CACNB2: variants seen among roughly 807,000 people sequenced by gnomAD.
The protein encoded by CACNB2 is calcium voltage-gated channel auxiliary subunit beta 2, also known as voltage-dependent L-type calcium channel subunit beta-2.
Under a neutral mutation model 73.3 loss-of-function variants are expected in CACNB2, and 42 were observed. That is an observed-to-expected ratio of 0.57 (90% confidence interval 0.45 to 0.74). CACNB2 has a LOEUF of 0.74. CACNB2 is among the 30% of genes least tolerant of loss of function. CACNB2 has a pLI of 0.00. For synonymous variants in CACNB2, 348 were observed against 310.3 expected (o/e 1.12, Z -1.28); for missense variants, 940 against 853.0 (o/e 1.10, Z -1.27).
At chr10:18,468,356 G>A (rs931475220) in intron 3 of CACNB2, among the ~76,000 whole-genome samples, 2 of 152,088 alleles carry the variant, frequency 1.3e-5, no homozygotes, top group African/African-American at 4.8e-5. Flanking sequence ...AGCTACTTGG[G>A]AGGCTGAGGC....
chr10:18,142,436 T>TG (rs2030516465), intron 1 of CACNB2, among the ~76,000 whole-genome samples: 2 of 152,220 alleles, frequency 1.3e-5, no homozygotes. Context: ...TCTAGACTCC[T>TG]GATTTTTATC....
intron 2 of CACNB2, among the ~76,000 whole-genome samples, chr10:18,208,449 C>T (rs1351960118): frequency 1.3e-5 from 2 of 151,858 alleles, no homozygotes; most frequent in Middle Eastern, 3.2e-3. Context: ...CCCATCTATA[C>T]AAAAACTAAA....
At chr10:18,266,474 C>T (rs977543492) in intron 2 of CACNB2, among the ~76,000 whole-genome samples, 1 of 151,458 alleles carries the variant, frequency 6.6e-6, no homozygotes, top group African/African-American at 2.4e-5. Context: ...GCTGAAGTGC[C>T]TGTTCACAGA....
intron 2 of CACNB2, among the ~76,000 whole-genome samples, chr10:18,204,000 A>G (rs910990947): frequency 6.6e-6 from 1 of 152,218 alleles, no homozygotes; most frequent in Non-Finnish European, 1.5e-5. Context: ...AGGCTCATTC[A>G]AACAAAAAAG....
chr10:18,336,263 C>G (rs2041000634), intron 2 of CACNB2, among the ~76,000 whole-genome samples: 1 of 152,122 alleles, frequency 6.6e-6, no homozygotes, highest in South Asian at 2.1e-4. Flanking sequence ...AGAAAGAACC[C>G]TGAGCTATGA....
intron 2 of CACNB2, among the ~76,000 whole-genome samples, chr10:18,328,249 T>C (rs7894306): frequency 0.16 from 24,653 of 152,158 alleles, 2,263 homozygotes; most frequent in Middle Eastern, 0.23. Flanking sequence ...CACATTAGAA[T>C]CATCTGGGGA....
chr10:18,208,309 C>T (rs1400246265), intron 2 of CACNB2, among the ~76,000 whole-genome samples: 1 of 151,958 alleles, frequency 6.6e-6, no homozygotes, highest in Non-Finnish European at 1.5e-5. Flanking sequence ...TGTACACACA[C>T]AAAAAACTTT....
intron 3 of CACNB2, among the ~76,000 whole-genome samples, chr10:18,458,662 T>A (rs2047404241): frequency 6.6e-6 from 1 of 152,140 alleles, no homozygotes; most frequent in African/African-American, 2.4e-5. Flanking sequence ...AAATCAAGAT[T>A]TTTTTTCACT....
chr10:18,502,497 T>C (rs1244181944), intron 5 of CACNB2, among the ~76,000 whole-genome samples: 4 of 150,174 alleles, frequency 2.7e-5, no homozygotes, highest in African/African-American at 9.8e-5. Flanking sequence ...GAGACCATCC[T>C]GGGCAACATT....
In CACNB2 at chr10:18,539,740, GTTTTTT is replaced by G. The variant is rs34022725; in HGVS notation, c.*30_*35del. 2.3e-5 allele frequency: 34 copies of G among 1,449,292 alleles called. No homozygotes were observed. The highest frequency in any genetic ancestry group is 1.3e-4 in the South Asian group (10 of 79,296). 89.8% of individuals were successfully genotyped at this position (1,449,292 alleles called of 1,614,324 possible). ...CCGCCAATGAGTTTTGCCCGTTTGT[GTTTTTT>G]TTTTTTTTTTTTTGAAGTCTTGTAT... On this transcript the variant is annotated 3_prime_UTR_variant, in exon 14 of 14. Coordinates refer to ENST00000324631, the MANE Select transcript of CACNB2 (RefSeq NM_201596.3).
intron 2 of CACNB2, among the ~76,000 whole-genome samples, chr10:18,377,517 G>A (rs914566762): frequency 4.6e-5 from 7 of 152,222 alleles, no homozygotes; most frequent in African/African-American, 1.7e-4. Flanking sequence ...GTGTGGCCAT[G>A]TTCCAATAAA....
chr10:18,500,624 T>C (rs556320996), intron 4 of CACNB2, among the ~76,000 whole-genome samples, 188 bp from the exon 5 acceptor site: 29 of 152,300 alleles, frequency 1.9e-4, no homozygotes, highest in Admixed American at 7.2e-4. Flanking sequence ...GAGCCTTTGA[T>C]AGATTGCTGA....
At chr10:18,445,427 A>C (rs1463696529) in intron 3 of CACNB2, among the ~76,000 whole-genome samples, 2 of 152,210 alleles carry the variant, frequency 1.3e-5, no homozygotes, top group African/African-American at 4.8e-5. Flanking sequence ...CGTACTGGCC[A>C]TATTTTGGCA....
chr10:18,534,051 A>G (rs2053319792), intron 10 of CACNB2, 25 bp from the exon 11 acceptor site: 12 of 1,613,422 alleles, frequency 7.4e-6, no homozygotes, highest in Non-Finnish European at 1.0e-5. Flanking sequence ...ACTGCACTTT[A>G]ACTGAATTGT....
intron 3 of CACNB2, among the ~76,000 whole-genome samples, chr10:18,449,216 C>T (rs1176414869): frequency 2.0e-5 from 3 of 152,058 alleles, no homozygotes; most frequent in Non-Finnish European, 4.4e-5. Flanking sequence ...AACCCCGTCT[C>T]TACTAAAAAT....
At chr10:18,232,944 G>A (rs899678907) in intron 2 of CACNB2, among the ~76,000 whole-genome samples, 4 of 152,042 alleles carry the variant, frequency 2.6e-5, no homozygotes, top group Non-Finnish European at 5.9e-5. Context: ...AAAATTAGCC[G>A]GGTGTGGTGG....
At chr10:18,210,441 C>G (rs1173905912) in intron 2 of CACNB2, among the ~76,000 whole-genome samples, 2 of 151,306 alleles carry the variant, frequency 1.3e-5, no homozygotes, top group Admixed American at 6.6e-5. Context: ...GGTTTTTTTT[C>G]CCATAGGCCT....
At chr10:18,189,107 G>A (rs1403727119) in intron 2 of CACNB2, among the ~76,000 whole-genome samples, 5 of 152,116 alleles carry the variant, frequency 3.3e-5, no homozygotes, top group Admixed American at 3.3e-4. Flanking sequence ...TACTACAGGT[G>A]TGTACTACTG....
intron 2 of CACNB2, among the ~76,000 whole-genome samples, chr10:18,239,990 C>T (rs1485307865): frequency 6.6e-6 from 1 of 152,192 alleles, no homozygotes; most frequent in Non-Finnish European, 1.5e-5. Flanking sequence ...AGCTGCCTCT[C>T]TGCCTTATCA....
Sources: gnomAD v4.1 joint callset for allele counts (sites outside exome capture counted in the v4.1 genomes callset) on GRCh38, gnomAD v4.1.1 for gene constraint, MANE v1.5 for transcripts, NCBI Gene and HGNC (gene_info 2026-07-23, HGNC 2026-07-21) for gene names.